Variants in DDX60 observed in about 807,000 individuals in gnomAD.
The protein encoded by DDX60 is probable ATP-dependent RNA helicase DDX60.
DDX60 carries 165 observed loss-of-function variants against 212.8 expected under a neutral mutation model. The observed-to-expected ratio is 0.78, with a 90% CI of 0.68 to 0.88. DDX60 has a LOEUF of 0.88. Among genes scored for constraint, DDX60 ranks in the 40% least tolerant of loss-of-function variants. The pLI is 0.00. For synonymous variants in DDX60, 703 were observed against 685.3 expected (o/e 1.03, Z -0.40); for missense variants, 1,905 against 2,003.9 (o/e 0.95, Z 0.94).
intron 37 of DDX60, among the ~76,000 whole-genome samples, chr4:168,220,178 G>C (rs1413617458): frequency 6.6e-6 from 1 of 152,144 alleles, no homozygotes; most frequent in Non-Finnish European, 1.5e-5. Flanking sequence ...GAAAATAGGA[G>C]GCCAATATGA....
At chr4:168,238,094 C>T (rs1733694012) in intron 30 of DDX60, among the ~76,000 whole-genome samples, 1 of 151,592 alleles carries the variant, frequency 6.6e-6, no homozygotes, top group Non-Finnish European at 1.5e-5. Flanking sequence ...ATATATTATC[C>T]CATGTTCTGC....
chr4:168,257,186 C>A (rs910365798), intron 25 of DDX60, among the ~76,000 whole-genome samples: 13 of 152,168 alleles, frequency 8.5e-5, no homozygotes, highest in African/African-American at 2.9e-4. Flanking sequence ...GTGGCACATG[C>A]CTGTAATCCC....
chr4:168,309,125 T>C (rs1737021443), intron 3 of DDX60, among the ~76,000 whole-genome samples: 1 of 152,228 alleles, frequency 6.6e-6, no homozygotes, highest in South Asian at 2.1e-4. Context: ...TAGCCACTTC[T>C]TGTTGTATGG....
At position 168,311,087 on chromosome 4, in the gene DDX60, G is replaced by C. The variant is rs746694251; in HGVS notation, c.5-20C>G. The C allele has an allele frequency of 6.7e-7, 1 of 1,491,746 alleles. No individual in the cohort carries two copies. The allele number at this position is 1,491,746 out of a possible 1,614,324, so 92.4% of individuals were successfully genotyped here. On this transcript the variant is annotated intron_variant, in intron 2 of 37. Coordinates refer to ENST00000393743, the MANE Select transcript of DDX60 (RefSeq NM_017631.6). ...TTCTTTCTAAATTTAAAAAAAAAGA[G>C]AGAAAGAGAATGGGTTATTTTTCAA...
At chr4:168,252,867 T>C (rs1184010607) in intron 26 of DDX60, among the ~76,000 whole-genome samples, 2 of 152,046 alleles carry the variant, frequency 1.3e-5, no homozygotes, top group Non-Finnish European at 2.9e-5. Context: ...TGTAATGGCG[T>C]GATCTCAGCT....
chr4:168,219,750 A>T (rs1732984005), intron 37 of DDX60, among the ~76,000 whole-genome samples: 1 of 152,148 alleles, frequency 6.6e-6, no homozygotes, highest in Admixed American at 6.6e-5. Flanking sequence ...AAAGATGGAC[A>T]TTTAGGCCAG....
intron 30 of DDX60, among the ~76,000 whole-genome samples, chr4:168,242,158 A>C (rs2149499419): frequency 6.6e-6 from 1 of 152,294 alleles, no homozygotes; most frequent in South Asian, 2.1e-4. Context: ...GGATGTATGA[A>C]ACTTCCCGGA....
intron 27 of DDX60, among the ~76,000 whole-genome samples, chr4:168,251,333 G>A (rs995509837): frequency 6.6e-6 from 1 of 152,152 alleles, no homozygotes; most frequent in Non-Finnish European, 1.5e-5. Context: ...CCACTTCTGG[G>A]GCAGAAAATT....
At chr4:168,281,703 ATTCCAACACATT>A (rs1735601976) in intron 13 of DDX60, among the ~76,000 whole-genome samples, 1 of 152,244 alleles carries the variant, frequency 6.6e-6, no homozygotes, top group Admixed American at 6.5e-5. Context: ...TAGCAAGAGG[ATTCCAACACATT>A]TTCCACACTT....
chr4:168,325,683 T>A, the DDX60 span, among the ~76,000 whole-genome samples: 1 of 152,198 alleles, frequency 6.6e-6, no homozygotes, highest in Non-Finnish European at 1.5e-5. Flanking sequence ...GAGGAAACAT[T>A]GGGGTCTAAG....
intron 6 of DDX60, among the ~76,000 whole-genome samples, chr4:168,301,518 A>G (rs1230024535): frequency 1.3e-5 from 2 of 152,202 alleles, no homozygotes; most frequent in Non-Finnish European, 2.9e-5. Flanking sequence ...TTTGAGCTCC[A>G]AGATAATTAT....
At chr4:168,296,372 G>C (rs1438211683) in intron 6 of DDX60, among the ~76,000 whole-genome samples, 1 of 151,946 alleles carries the variant, frequency 6.6e-6, no homozygotes, top group Non-Finnish European at 1.5e-5. Flanking sequence ...AACAGGTTTG[G>C]GAAAGAAAAG....
intron 14 of DDX60, among the ~76,000 whole-genome samples, chr4:168,278,296 C>T (rs1735438891): frequency 6.6e-6 from 1 of 152,124 alleles, no homozygotes; most frequent in Non-Finnish European, 1.5e-5. Flanking sequence ...TGTTGCACCT[C>T]AAATGGCAAA....
At chr4:168,217,621 CTTGAGA>C (rs1332860646) in intron 37 of DDX60, among the ~76,000 whole-genome samples, 7 of 148,730 alleles carry the variant, frequency 4.7e-5, no homozygotes, top group African/African-American at 1.7e-4. Context: ...ATCAGCTGAC[CTTGAGA>C]TAGGAAAATA....
At chr4:168,311,768 CAAAGA>C (rs1455844674) in intron 1 of DDX60, among the ~76,000 whole-genome samples, 2 of 152,020 alleles carry the variant, frequency 1.3e-5, no homozygotes, top group African/African-American at 4.8e-5. Flanking sequence ...TGGAGACCAT[CAAAGA>C]AAAGACTAGA....
chr4:168,282,505 C>T (rs751520483), intron 13 of DDX60, among the ~76,000 whole-genome samples: 3 of 152,074 alleles, frequency 2.0e-5, no homozygotes, highest in African/African-American at 2.4e-5. Flanking sequence ...AACTTCACCA[C>T]GTTTATTTCA....
chr4:168,248,254 G>A lies in DDX60; in HGVS notation c.3897C>T (p.Asn1299=), dbSNP rs776047354. 13 of 1,610,262 alleles carry A rather than the reference G, an allele frequency of 8.1e-6. No individual in the cohort carries two copies. The East Asian group carries it at 2.5e-4, about 31-fold the overall frequency. ...CAAAAACCACAGATTTACAAGGCATGTTGACACCTAAAGCAAGTGTTCCAG... is the reference window on the plus strand; with the variant it reads ...CAAAAACCACAGATTTACAAGGCATATTGACACCTAAAGCAAGTGTTCCAG... ...TATGTLALGV[N]MPCKSVVFAQ... is the part of the protein sequence containing the mutation. Residue 1299 remains asparagine, a synonymous_variant, in exon 29 of 38, where the codon AAC becomes AAT. Transcript: ENST00000393743.
intron 1 of DDX60, among the ~76,000 whole-genome samples, chr4:168,315,515 C>T (rs1459666565): frequency 6.6e-6 from 1 of 152,068 alleles, no homozygotes; most frequent in Non-Finnish European, 1.5e-5. Flanking sequence ...CCTATCAACC[C>T]GTCATCCAGG....
In DDX60 at chr4:168,261,985, G is replaced by A. The variant is rs1369058699; in HGVS notation, c.3273+15C>T. ...AACAAAAATAAAGTTTGGCCAAAAA[G>A]CGTATGAAAATTACCTGCTCTACGT... On this transcript the variant is annotated intron_variant, in intron 24 of 37. Coordinates refer to ENST00000393743, the MANE Select transcript of DDX60 (RefSeq NM_017631.6). 2.5e-6 allele frequency: 4 copies of A among 1,580,234 alleles called. No individual in the cohort carries two copies. The highest frequency in any genetic ancestry group is 1.4e-5 in the African/African-American group (1 of 72,678).
Sources: allele counts gnomAD v4.1 joint callset (sites outside exome capture counted in the v4.1 genomes callset), GRCh38; gene constraint gnomAD v4.1.1; transcripts MANE v1.5; gene names NCBI Gene and HGNC (gene_info 2026-07-23, HGNC 2026-07-21).